XPO7: variants seen among roughly 807,000 people sequenced by gnomAD.
The protein encoded by XPO7 is exportin 7, also known as exportin-7.
In XPO7, 21 loss-of-function variants were observed where a neutral mutation model predicts 144.3. That is an observed-to-expected ratio of 0.15 (90% CI 0.10 to 0.21). The LOEUF is 0.21. XPO7 is among the 10% of genes least tolerant of loss of function. The pLI is 1.00. For synonymous variants in XPO7, 580 were observed against 499.6 expected (o/e 1.16, Z -2.15); for missense variants, 808 against 1,325.8 (o/e 0.61, Z 6.06).
rs563159518 is a variant in XPO7 at position 21,974,079 on chromosome 8, G to A, written c.493-591G>A. On this transcript the variant is annotated intron_variant, in intron 5 of 27. Coordinates refer to ENST00000252512, the MANE Select transcript of XPO7 (RefSeq NM_015024.5). ...AAGAGTTGTTACTCTGTCTGTGGGT[G>A]TTTAAGAGACTCTGCTGCCCAGGCT... Among the ~76,000 whole-genome samples the A allele has an allele frequency of 5.8e-5, 5 of 86,766 alleles. No individual in the cohort carries two copies. In the South Asian group the frequency reaches 1.5e-3, roughly 26 times the overall value. The allele number at this position is 86,766 out of a possible 152,430, so 56.9% of individuals were successfully genotyped here. A position where few individuals can be genotyped will look rare whatever the true frequency, so the allele number is the denominator to read the frequency against.
chr8:21,994,610 T>C (rs975322374), intron 20 of XPO7, among the ~76,000 whole-genome samples, 159 bp downstream of exon 20: 4 of 152,200 alleles, frequency 2.6e-5, no homozygotes, highest in African/African-American at 7.2e-5. Context: ...AGCCACCTTA[T>C]GACAGACATA....
rs190089835 is a variant in XPO7 at position 21,954,489 on chromosome 8, C to T, written c.19-12368C>T. Among the ~76,000 whole-genome samples, 1,075 of 152,142 alleles carry T rather than the reference C, an allele frequency of 7.1e-3. 13 individuals carry two copies. The highest frequency in any genetic ancestry group is 0.025 in the African/African-American group (1,026 of 41,496). ...TCTCTACTAAAAATTCAAAAATTAG[C>T]CAGGTGTGGTGGCACAGACCTGTAA... On this transcript the variant is annotated intron_variant, in intron 1 of 27. Transcript: ENST00000252512.
chr8:21,954,538 G>A (rs1354649848), intron 1 of XPO7, among the ~76,000 whole-genome samples: 1 of 152,282 alleles, frequency 6.6e-6, no homozygotes, highest in East Asian at 1.9e-4. Flanking sequence ...GGAGGCTAAG[G>A]CAGGAGAATC....
intron 8 of XPO7, among the ~76,000 whole-genome samples, chr8:21,978,856 TCTC>T (rs1812310210): frequency 6.6e-6 from 1 of 152,130 alleles, no homozygotes; most frequent in African/African-American, 2.4e-5. Flanking sequence ...TGCCCTCTAA[TCTC>T]CTGCTGGTAC....
intron 12 of XPO7, 91 bp from the exon 13 acceptor site, chr8:21,985,493 CCA>C: frequency 1.7e-6 from 2 of 1,185,108 alleles, no homozygotes; most frequent in Non-Finnish European, 2.5e-6. Flanking sequence ...CATGGTTTCA[CCA>C]CAGTGTTCTT....
intron 1 of XPO7, among the ~76,000 whole-genome samples, chr8:21,927,634 C>T (rs1419929745): frequency 6.6e-6 from 1 of 151,236 alleles, no homozygotes. Flanking sequence ...CAACCTCTGC[C>T]TCCCGGGTTC....
At chr8:21,927,340 AT>A (rs1810490198) in intron 1 of XPO7, among the ~76,000 whole-genome samples, 1 of 152,154 alleles carries the variant, frequency 6.6e-6, no homozygotes, top group Non-Finnish European at 1.5e-5. Flanking sequence ...AGTTCTTGGA[AT>A]TCTACAGTTA....
At chr8:21,953,245 C>T (rs1261578465) in intron 1 of XPO7, among the ~76,000 whole-genome samples, 1 of 152,138 alleles carries the variant, frequency 6.6e-6, no homozygotes, top group Non-Finnish European at 1.5e-5. Context: ...GCCTCTTCAT[C>T]CTTCCCTCCC....
At position 21,970,498 on chromosome 8, in the gene XPO7, T is replaced by C. The variant is rs78770524; in HGVS notation, c.426+188T>C. Among the ~76,000 whole-genome samples the C allele has an allele frequency of 5.9e-3, 899 of 152,320 alleles. 7 individuals are homozygous for C. Among genetic ancestry groups the C allele is most frequent in the African/African-American group, 0.02 (824 of 41,566 alleles). ...TTAATAGGTCTTGGTAGTGTTTGCATGTTGGCAAAAACAAACCATGTCTCA... is the reference window on the plus strand; with the variant it reads ...TTAATAGGTCTTGGTAGTGTTTGCACGTTGGCAAAAACAAACCATGTCTCA... On this transcript the variant is annotated intron_variant, in intron 4 of 27. Transcript: ENST00000252512.
At chr8:21,984,098 TA>T (rs1812493329) in intron 11 of XPO7, among the ~76,000 whole-genome samples, 1 of 152,232 alleles carries the variant, frequency 6.6e-6, no homozygotes, top group African/African-American at 2.4e-5. Context: ...GTAGTTTTTT[TA>T]AAATCCTACT....
rs1029264797 is a variant in XPO7, at chr8:21,981,147, A to G, written c.958-584A>G. 5.9e-5 allele frequency among the ~76,000 whole-genome samples: 9 copies of G among 152,368 alleles called. No individual in the cohort carries two copies. The East Asian group carries it at 1.5e-3, about 26-fold the overall frequency. On this transcript the variant is annotated intron_variant, in intron 9 of 27. Transcript: ENST00000252512. ...CCCACATATGCTAACAGAAGAAGAC[A>G]TATCAGGAAACTTACAATTAAATAT...
At chr8:21,933,319 C>A (rs1258787159) in intron 1 of XPO7, among the ~76,000 whole-genome samples, 3 of 152,060 alleles carry the variant, frequency 2.0e-5, no homozygotes, top group African/African-American at 4.8e-5. Flanking sequence ...CCAGGATGGT[C>A]TTGATCTCCT....
At chr8:21,958,829 C>T (rs1436696673) in intron 1 of XPO7, among the ~76,000 whole-genome samples, 1 of 151,948 alleles carries the variant, frequency 6.6e-6, no homozygotes, top group Non-Finnish European at 1.5e-5. Flanking sequence ...AACATGGTGG[C>T]GCACACCTGT....
chr8:21,990,913 G>A lies in XPO7; in HGVS notation c.2035G>A (p.Asp679Asn), dbSNP rs750789636. Residue 679 changes from aspartate to asparagine, a missense_variant, in exon 18 of 28, where the codon GAT becomes AAT. Around this residue, in one of 5 missense-constraint regions of XPO7, gnomAD observed 416 missense variants for 612.5 expected, o/e 0.68. Coordinates refer to ENST00000252512, the MANE Select transcript of XPO7 (RefSeq NM_015024.5). ...YTALGRLLMV[D>N]LGEDEDQYEQ... ...AGCACTTGGGCGTCTCCTCATGGTGGATTTAGGTACCGTAAGAAATCGTAG... is the reference window on the plus strand; with the variant it reads ...AGCACTTGGGCGTCTCCTCATGGTGAATTTAGGTACCGTAAGAAATCGTAG... 6.2e-7 allele frequency: 1 copy of A among 1,613,768 alleles called. No homozygotes were observed. The highest frequency in any genetic ancestry group is 8.5e-7 in the Non-Finnish European group (1 of 1,179,740).
intron 21 of XPO7, among the ~76,000 whole-genome samples, chr8:21,997,235 C>T (rs1346838832): frequency 6.6e-6 from 1 of 152,170 alleles, no homozygotes; most frequent in African/African-American, 2.4e-5. Context: ...TACTCTTTGC[C>T]AAACTTTCCT....
chr8:21,995,597 T>C lies in XPO7; in HGVS notation c.2343T>C (p.Asn781=). ...VLKLMAELVH[N]RSQRLQFDVS... is the part of the protein sequence containing the mutation. ...AGTTGATGGCTGAATTGGTTCATAA[T>C]AGGTAAGCAGGAGGCAGAGCTTGCA... The change falls in exon 21 of 28, where the codon AAT becomes AAC. Residue 781 remains asparagine (N), a splice_region_variant and synonymous_variant. Transcript: ENST00000252512. 1.3e-6 allele frequency: 2 copies of C among 1,593,622 alleles called. No homozygotes were observed. The highest frequency in any genetic ancestry group is 1.7e-6 in the Non-Finnish European group (2 of 1,168,428).
intron 1 of XPO7, among the ~76,000 whole-genome samples, chr8:21,934,768 T>C (rs901843473): frequency 6.6e-6 from 1 of 152,204 alleles, no homozygotes; most frequent in Non-Finnish European, 1.5e-5. Context: ...TGGATTGCTA[T>C]GCAGGCATTC....
intron 24 of XPO7, 83 bp downstream of exon 24, chr8:21,999,757 T>C: frequency 9.0e-6 from 14 of 1,551,320 alleles, no homozygotes; most frequent in Non-Finnish European, 1.2e-5. Flanking sequence ...CTTGCCCCAG[T>C]GTCCAAAAAG....
chr8:21,967,014 T>A lies in XPO7; in HGVS notation c.165+11T>A, dbSNP rs752271828. 1 of 1,611,108 alleles carries A rather than the reference T, an allele frequency of 6.2e-7. No individual in the cohort carries two copies. Among genetic ancestry groups the A allele is most frequent in the Non-Finnish European group, 8.5e-7 (1 of 1,178,392 alleles). On this transcript the variant is annotated intron_variant, in intron 2 of 27. Coordinates refer to ENST00000252512, the MANE Select transcript of XPO7 (RefSeq NM_015024.5). ...CTCGAAAGAGGAAGTGTGCGTAAGA[T>A]CTGAAAATCCTAAAGGATAACAGGC... is the stretch of plus-strand genomic sequence containing the variant.
Sources: allele counts gnomAD v4.1 joint callset (sites outside exome capture counted in the v4.1 genomes callset), GRCh38; gene constraint gnomAD v4.1.1; regional missense constraint gnomAD v4.1.1; transcripts MANE v1.5; gene names NCBI Gene and HGNC (gene_info 2026-07-23, HGNC 2026-07-21).